The following PRRG1 variants were observed in gnomAD, a reference collection of about 807,000 sequenced individuals.
PRRG1 encodes the protein proline rich and Gla domain 1.
Under a neutral mutation model 11.8 loss-of-function variants are expected in PRRG1, and 5 were observed. The ratio of observed to expected loss-of-function variants is 0.42; its 90% confidence interval spans 0.22 to 0.89. The LOEUF (loss-of-function observed/expected upper bound fraction) is 0.89, where lower values mean the gene tolerates loss of function less well. Ranked by LOEUF, PRRG1 falls within the 40% of genes least tolerant of loss-of-function variation. The pLI is 0.28. For synonymous variants in PRRG1, 66 were observed against 60.4 expected (o/e 1.09, Z -0.43); for missense variants, 155 against 166.1 (o/e 0.93, Z 0.37).
At chrX:37,417,544 A>AT (rs1326220242) in intron 2 of PRRG1, among the ~76,000 whole-genome samples, 12 of 112,057 alleles carry the variant, frequency 1.1e-4, no homozygotes, top group African/African-American at 3.9e-4. Flanking sequence ...GACATTGTAC[A>AT]TATTTCCACC....
intron 1 of PRRG1, among the ~76,000 whole-genome samples, chrX:37,357,713 G>A (rs914639437): frequency 2.7e-5 from 3 of 111,959 alleles, no homozygotes; most frequent in South Asian, 7.4e-4. Flanking sequence ...AAAAACCATA[G>A]CATGTATAGG....
At chrX:37,384,479 T>C (rs1931257427) in intron 1 of PRRG1, among the ~76,000 whole-genome samples, 1 of 111,936 alleles carries the variant, frequency 8.9e-6, no homozygotes, top group Non-Finnish European at 1.9e-5. Context: ...ATTTCTCTTA[T>C]ATTTCTAGAA....
chrX:37,352,271 T>C (rs1479595817), intron 1 of PRRG1, among the ~76,000 whole-genome samples: 1 of 112,801 alleles, frequency 8.9e-6, no homozygotes, highest in Non-Finnish European at 1.9e-5. Context: ...CAGAGAACTA[T>C]GAGCATTAGT....
At chrX:37,398,241 G>A (rs1216785473) in intron 1 of PRRG1, among the ~76,000 whole-genome samples, 4 of 110,981 alleles carry the variant, frequency 3.6e-5, no homozygotes, top group Non-Finnish European at 5.7e-5. Context: ...CAGTAGGGGC[G>A]GACTGACGCC....
chrX:37,438,770 C>A (rs1932924172), intron 3 of PRRG1, among the ~76,000 whole-genome samples: 1 of 111,274 alleles, frequency 9.0e-6, no homozygotes, highest in Non-Finnish European at 1.9e-5. Flanking sequence ...AAATGGTGTA[C>A]TCTTCAATTC....
intron 2 of PRRG1, among the ~76,000 whole-genome samples, chrX:37,424,722 G>T (rs1932753783): frequency 9.1e-6 from 1 of 109,774 alleles, no homozygotes; most frequent in African/African-American, 3.3e-5. Flanking sequence ...CATCTAGCTG[G>T]TGTCAATTTG....
At chrX:37,367,045 A>G (rs782805152) in intron 1 of PRRG1, among the ~76,000 whole-genome samples, 8 of 111,605 alleles carry the variant, frequency 7.2e-5, no homozygotes, top group African/African-American at 2.0e-4. Flanking sequence ...CTGCTCGTCA[A>G]TCCTGTGGTC....
intron 3 of PRRG1, among the ~76,000 whole-genome samples, chrX:37,451,400 A>G (rs145207876): frequency 8.9e-6 from 1 of 112,591 alleles, no homozygotes; most frequent in African/African-American, 3.2e-5. Flanking sequence ...TAAAAAGTTA[A>G]TGATGTGTAA....
intron 1 of PRRG1, among the ~76,000 whole-genome samples, chrX:37,405,901 C>T: frequency 9.0e-6 from 1 of 111,683 alleles, no homozygotes; most frequent in South Asian, 3.8e-4. Context: ...GTTGATACTG[C>T]TGTTTTCTGA....
intron 3 of PRRG1, chrX:37,441,816 C>A: frequency 1.3e-6 from 1 of 785,753 alleles, no homozygotes; most frequent in Non-Finnish European, 1.5e-6. Flanking sequence ...AGAGCAGGCT[C>A]GAGGCCATGG....
intron 1 of PRRG1, among the ~76,000 whole-genome samples, chrX:37,367,385 A>G (rs1464551576): frequency 9.0e-6 from 1 of 111,630 alleles, no homozygotes; most frequent in Non-Finnish European, 1.9e-5. Flanking sequence ...TTAATTTACA[A>G]TTGTGTTTTT....
chrX:37,416,901 T>G (rs1932514287), intron 2 of PRRG1, among the ~76,000 whole-genome samples: 1 of 112,029 alleles, frequency 8.9e-6, no homozygotes, highest in South Asian at 3.7e-4. Flanking sequence ...TTTCTCTCTA[T>G]GTCCTTTTTC....
chrX:37,358,926 T>C (rs1930330058), intron 1 of PRRG1, among the ~76,000 whole-genome samples: 1 of 111,714 alleles, frequency 9.0e-6, no homozygotes, highest in Non-Finnish European at 1.9e-5. Flanking sequence ...GAGATCTTGC[T>C]CATCGCTGAT....
chrX:37,352,976 A>G (rs1556365190), intron 1 of PRRG1, among the ~76,000 whole-genome samples: 2 of 111,976 alleles, frequency 1.8e-5, no homozygotes, highest in African/African-American at 6.5e-5. Flanking sequence ...CTAATGGTTT[A>G]TTTACTATAC....
chrX:37,437,325 T>G (rs1286531747), intron 3 of PRRG1, among the ~76,000 whole-genome samples: 2 of 111,471 alleles, frequency 1.8e-5, no homozygotes, highest in Non-Finnish European at 3.8e-5. Flanking sequence ...GGTGCTCTCC[T>G]GCCCATGCCA....
chrX:37,369,807 C>T (rs1271596334), intron 1 of PRRG1, among the ~76,000 whole-genome samples: 4 of 111,522 alleles, frequency 3.6e-5, no homozygotes, highest in Non-Finnish European at 7.5e-5. Context: ...ATAAGTCTCA[C>T]GAGATCTGAT....
At chrX:37,404,843 T>C (rs1556381545) in intron 1 of PRRG1, among the ~76,000 whole-genome samples, 1 of 112,053 alleles carries the variant, frequency 8.9e-6, no homozygotes, top group Non-Finnish European at 1.9e-5. Flanking sequence ...CTTTCTTGAT[T>C]CACTTTATGC....
chrX:37,436,643 T>C (rs185122273), intron 3 of PRRG1, among the ~76,000 whole-genome samples: 1 of 112,267 alleles, frequency 8.9e-6, no homozygotes, highest in East Asian at 2.8e-4. Context: ...AACTCTTATT[T>C]CACTTAGCCT....
intron 2 of PRRG1, among the ~76,000 whole-genome samples, chrX:37,413,429 A>G (rs1279408885): frequency 1.8e-5 from 2 of 111,118 alleles, no homozygotes; most frequent in Admixed American, 1.9e-4. Flanking sequence ...TTCACTTAGT[A>G]TTATGCATTT....
Sources: allele counts gnomAD v4.1 joint callset (sites outside exome capture counted in the v4.1 genomes callset), GRCh38; gene constraint gnomAD v4.1.1; transcripts MANE v1.5; gene names NCBI Gene and HGNC (gene_info 2026-07-23, HGNC 2026-07-21).